The following NXN variants were observed in gnomAD, a reference collection of about 807,000 sequenced individuals.
NXN encodes the protein nucleoredoxin 1.
Under a neutral mutation model 48.6 loss-of-function variants are expected in NXN, and 16 were observed. The ratio of observed to expected loss-of-function variants is 0.33; its 90% CI spans 0.22 to 0.50. NXN has a LOEUF of 0.50. Ranked by LOEUF, NXN falls within the 20% of genes least tolerant of loss-of-function variation. The pLI, the probability that NXN is intolerant of heterozygous loss-of-function variation, is 0.98. For missense variants in NXN, 492 were observed against 605.5 expected, an observed-to-expected ratio of 0.81 and a Z score of 1.97; for synonymous variants, 281 against 269.6, an observed-to-expected ratio of 1.04 and a Z score of -0.41.
chr17:805,788 G>A (rs1452661219), intron 5 of NXN, among the ~76,000 whole-genome samples: 6 of 152,016 alleles, frequency 3.9e-5, no homozygotes, highest in Admixed American at 2.0e-4. Flanking sequence ...CAGTGAGCCA[G>A]GATTGCACCA....
rs1555618997 is a variant in NXN, at chr17:889,741, A to AG, written c.361-63664_361-63663insC. Among the ~76,000 whole-genome samples the AG allele has an allele frequency of 2.3e-3, 165 of 72,126 alleles. 2 individuals carry two copies. Among genetic ancestry groups the AG allele is most frequent in the African/African-American group, 0.011 (156 of 14,636 alleles). The allele number at this position is 72,126 out of a possible 152,430, so 47.3% of individuals were successfully genotyped here. Reference sequence around the variant, plus strand: ...AAAGAAAGAAAGAAAGAAAGAAAGAAAGAAAGAAAGAAAGAAAGAAAAAGA... The same window carrying AG: ...AAAGAAAGAAAGAAAGAAAGAAAGAAGAGAAAGAAAGAAAGAAAGAAAAAGA... On this transcript the variant is annotated intron_variant, in intron 1 of 7. Coordinates refer to ENST00000336868, the MANE Select transcript of NXN (RefSeq NM_022463.5).
At chr17:803,874 C>G (rs1341598362) in intron 6 of NXN, 68 bp from the exon 7 acceptor site, 4 of 1,597,006 alleles carry the variant, frequency 2.5e-6, no homozygotes, top group Non-Finnish European at 3.4e-6. Flanking sequence ...AGAGCGGCAC[C>G]CGCCGAGGGG....
rs910655712 is a variant in NXN, at chr17:900,859, G to A, written c.361-74781C>T. Reference sequence around the variant, plus strand: ...CAGGGCTGGAAGCATCTTCTGGGAGGCAGGGGAGTTTTGAGAGAAAAGTGT... The same window carrying A: ...CAGGGCTGGAAGCATCTTCTGGGAGACAGGGGAGTTTTGAGAGAAAAGTGT... On this transcript the variant is annotated intron_variant, in intron 1 of 7. Transcript: ENST00000336868. 2.6e-5 allele frequency among the ~76,000 whole-genome samples: 4 copies of A among 151,868 alleles called. 1 individual carries two copies. The highest frequency in any genetic ancestry group is 5.9e-5 in the Non-Finnish European group (4 of 67,984).
intron 1 of NXN, among the ~76,000 whole-genome samples, chr17:968,788 T>C (rs556141601): frequency 1.4e-5 from 2 of 147,668 alleles, no homozygotes; most frequent in East Asian, 4.1e-4. Flanking sequence ...AAAGACAAAA[T>C]GAGCCAGGCG....
chr17:806,759 C>T (rs2144576190), intron 5 of NXN, among the ~76,000 whole-genome samples: 1 of 152,302 alleles, frequency 6.6e-6, no homozygotes, highest in East Asian at 1.9e-4. Context: ...GTGTTTCGTA[C>T]CCTGCTGCGG....
chr17:807,634 T>A (rs1911642296), intron 5 of NXN, among the ~76,000 whole-genome samples: 1 of 152,188 alleles, frequency 6.6e-6, no homozygotes. Context: ...CGGCTCCTCC[T>A]AAGACGAGGT....
At chr17:808,649 A>G (rs1464812217) in intron 5 of NXN, among the ~76,000 whole-genome samples, 2 of 149,502 alleles carry the variant, frequency 1.3e-5, no homozygotes, top group Admixed American at 6.7e-5. Flanking sequence ...TAAGTATTCT[A>G]TAAGTATTGG....
chr17:861,964 G>C (rs886301325), intron 1 of NXN, among the ~76,000 whole-genome samples: 2 of 152,022 alleles, frequency 1.3e-5, no homozygotes, highest in African/African-American at 4.8e-5. Flanking sequence ...CAAGTAGCTG[G>C]GATTACAGGC....
rs2069173692 is a variant in NXN at position 956,715 on chromosome 17, A to G, written c.360+22604T>C. ...CAGGCGTGAGCCACCGCGCCTGGCC[A>G]AGAGCTTTTTATATCAGTCATCGTC... On this transcript the variant is annotated intron_variant, in intron 1 of 7. Transcript: ENST00000336868. The surrounding 1 kb of genome is among the most constrained non-coding windows in gnomAD (Gnocchi z 4.1). Among the ~76,000 whole-genome samples the G allele has an allele frequency of 6.6e-6, 1 of 152,156 alleles. No individual in the cohort carries two copies.
chr17:830,271 A>C lies in NXN; in HGVS notation c.361-4193T>G, dbSNP rs1366019785. Among the ~76,000 whole-genome samples the C allele has an allele frequency of 1.3e-5, 2 of 152,232 alleles. No individual in the cohort carries two copies. Among genetic ancestry groups the C allele is most frequent in the Admixed American group, 6.5e-5 (1 of 15,274 alleles). ...GCACAAGAGATTCAGTTAAGAGCAG[A>C]TGAGGCTGCTACCCTCGTGGGGCTC... On this transcript the variant is annotated intron_variant, in intron 1 of 7. Transcript: ENST00000336868. The surrounding 1 kb of genome is among the most constrained non-coding windows in gnomAD (Gnocchi z 4.2).
chr17:896,280 C>T (rs2068484829), intron 1 of NXN, among the ~76,000 whole-genome samples: 2 of 147,186 alleles, frequency 1.4e-5, no homozygotes, highest in Non-Finnish European at 3.0e-5. Context: ...GCAGAGGTTG[C>T]AGTGAGCCGA....
intron 5 of NXN, among the ~76,000 whole-genome samples, chr17:809,856 G>A (rs79578281): frequency 0.19 from 25,521 of 131,342 alleles, 3,406 homozygotes; most frequent in East Asian, 0.3. Flanking sequence ...CGAGCGGCGG[G>A]CACCTTACGA....
chr17:863,392 C>T (rs564631026), intron 1 of NXN, among the ~76,000 whole-genome samples: 1 of 152,150 alleles, frequency 6.6e-6, no homozygotes, highest in African/African-American at 2.4e-5. Context: ...TGGTCTCGAT[C>T]TCCTGACCTC....
At chr17:977,420 A>G (rs2069474268) in intron 1 of NXN, among the ~76,000 whole-genome samples, 4 of 152,264 alleles carry the variant, frequency 2.6e-5, no homozygotes, top group South Asian at 4.1e-4. Flanking sequence ...GGGCCGCAGA[A>G]TACTTTTTGT....
chr17:888,765 A>G (rs1274287030), intron 1 of NXN, among the ~76,000 whole-genome samples: 7 of 151,232 alleles, frequency 4.6e-5, no homozygotes, highest in African/African-American at 1.7e-4. Context: ...GACCAGCCTG[A>G]CCAACATGGA....
Position 972,175 on chromosome 17 carries a change from G to A in NXN, c.360+7144C>T, listed in dbSNP as rs571863773. On this transcript the variant is annotated intron_variant, in intron 1 of 7. Transcript: ENST00000336868. ...ATTAGCCGGGCGTGGTGGCACATGC[G>A]CCTATAATCCCAGCTACTCGGGAGG... Among the ~76,000 whole-genome samples the A allele has an allele frequency of 9.2e-5, 14 of 152,022 alleles. No individual in the cohort carries two copies. In the South Asian group the frequency reaches 2.5e-3, roughly 27 times the overall value.
chr17:809,818 TGAGCGGCGGGCACCTTACGAGCCAGTGC>T (rs1201766140), intron 5 of NXN, among the ~76,000 whole-genome samples: 11 of 152,208 alleles, frequency 7.2e-5, no homozygotes, highest in African/African-American at 1.7e-4. Flanking sequence ...CGAGTCCGTG[TGAGCGGCGGGCACCTTACGAGCCAGTGC>T]GAGCGGCGGG....
At chr17:851,292 T>C (rs1214646350) in intron 1 of NXN, among the ~76,000 whole-genome samples, 1 of 152,322 alleles carries the variant, frequency 6.6e-6, no homozygotes, top group African/African-American at 2.4e-5. Flanking sequence ...CCGGCTGAAA[T>C]GAAGACGCCA....
rs533002900 is a variant in NXN at position 919,123 on chromosome 17, T to C, written c.360+60196A>G. ...TGGCTCACACCTGTAATCCCAGCAC[T>C]TTGGGAGGCTGAGGGTGGATCACGA... is the stretch of plus-strand genomic sequence containing the variant. On this transcript the variant is annotated intron_variant, in intron 1 of 7. Coordinates refer to ENST00000336868, the MANE Select transcript of NXN (RefSeq NM_022463.5). This position sits in a 1 kb window ranked among gnomAD's most constrained non-coding sequence, Gnocchi z 5.1. Among the ~76,000 whole-genome samples the C allele has an allele frequency of 2.0e-5, 3 of 151,396 alleles. No homozygotes were observed. The East Asian group carries it at 5.8e-4, about 29-fold the overall frequency.
Sources: allele counts gnomAD v4.1 joint callset (sites outside exome capture counted in the v4.1 genomes callset), GRCh38; gene constraint gnomAD v4.1.1; non-coding constraint Gnocchi (gnomAD v3.1); transcripts MANE v1.5; gene names NCBI Gene and HGNC (gene_info 2026-07-23, HGNC 2026-07-21).